Variants in RPS6KC1 observed in about 807,000 individuals in gnomAD.
RPS6KC1 encodes the protein inactive ribosomal protein S6 kinase delta-1.
RPS6KC1 carries 54 observed loss-of-function variants against 103.8 expected under a neutral mutation model. The ratio of observed to expected loss-of-function variants is 0.52; its 90% CI spans 0.42 to 0.65. RPS6KC1 has a LOEUF of 0.65. Ranked by LOEUF, RPS6KC1 falls within the 30% of genes least tolerant of loss-of-function variation. The pLI, the probability that RPS6KC1 is intolerant of heterozygous loss-of-function variation, is 0.00. For synonymous variants in RPS6KC1, 439 were observed against 438.7 expected (o/e 1.00, Z -0.01); for missense variants, 1,151 against 1,253.8 (o/e 0.92, Z 1.24).
At chr1:213,777,866 G>A in the RPS6KC1 span, among the ~76,000 whole-genome samples, 1 of 152,134 alleles carries the variant, frequency 6.6e-6, no homozygotes, top group South Asian at 2.1e-4. Flanking sequence ...TGACCACTTG[G>A]TATGTGCCAG....
the RPS6KC1 span, among the ~76,000 whole-genome samples, chr1:213,549,538 A>C: frequency 1.3e-5 from 2 of 151,628 alleles, no homozygotes; most frequent in Non-Finnish European, 2.9e-5. Context: ...CTTTTAATTC[A>C]TCAAAGTAGG....
chr1:213,767,309 G>A, the RPS6KC1 span, among the ~76,000 whole-genome samples: 1 of 152,162 alleles, frequency 6.6e-6, no homozygotes, highest in Non-Finnish European at 1.5e-5. Flanking sequence ...CTGAAAGCAG[G>A]CTGGTGGTGT....
At chr1:213,521,938 G>T in the RPS6KC1 span, among the ~76,000 whole-genome samples, 1 of 152,244 alleles carries the variant, frequency 6.6e-6, no homozygotes, top group South Asian at 2.1e-4. Context: ...CCAAACACTT[G>T]TTAACATTGA....
chr1:213,407,158 T>A, the RPS6KC1 span, among the ~76,000 whole-genome samples: 1 of 152,124 alleles, frequency 6.6e-6, no homozygotes, highest in Non-Finnish European at 1.5e-5. Context: ...CATCTGGGTT[T>A]CTCACTGGAT....
At chr1:213,363,651 TTTC>T in the RPS6KC1 span, among the ~76,000 whole-genome samples, 1 of 80,386 alleles carries the variant, frequency 1.2e-5, no homozygotes, top group African/African-American at 9.4e-5. Flanking sequence ...TCTTTCTTTC[TTTC>T]TTTCTTTCTT....
At chr1:213,146,109 T>C (rs2147823846) in intron 6 of RPS6KC1, among the ~76,000 whole-genome samples, 1 of 150,784 alleles carries the variant, frequency 6.6e-6, no homozygotes, top group East Asian at 1.9e-4. Flanking sequence ...TTTTTTAATA[T>C]TTAGATCCCA....
At chr1:213,591,554 T>C in the RPS6KC1 span, among the ~76,000 whole-genome samples, 1 of 152,126 alleles carries the variant, frequency 6.6e-6, no homozygotes, top group Non-Finnish European at 1.5e-5. Flanking sequence ...CCAGGGGCGG[T>C]CTGTGCTTTG....
the RPS6KC1 span, among the ~76,000 whole-genome samples, chr1:213,804,559 G>A: frequency 6.6e-6 from 1 of 152,100 alleles, no homozygotes; most frequent in Non-Finnish European, 1.5e-5. Context: ...CATCTCCCCT[G>A]GGCATCTCTA....
the RPS6KC1 span, among the ~76,000 whole-genome samples, chr1:213,522,470 A>G: frequency 6.6e-6 from 1 of 152,196 alleles, no homozygotes; most frequent in African/African-American, 2.4e-5. Flanking sequence ...TTAACCCCTA[A>G]CAAGAGAGTC....
At chr1:213,137,737 G>A (rs1471289179) in intron 6 of RPS6KC1, among the ~76,000 whole-genome samples, 1 of 109,566 alleles carries the variant, frequency 9.1e-6, no homozygotes, top group Non-Finnish European at 1.8e-5. Context: ...CTGTGCTTTG[G>A]TTTAAGTCCA....
chr1:213,215,680 T>C (rs192698157), intron 8 of RPS6KC1, among the ~76,000 whole-genome samples: 13 of 152,342 alleles, frequency 8.5e-5, no homozygotes, highest in Non-Finnish European at 1.8e-4. Context: ...AGCTGATCTC[T>C]CGGCAGAAAT....
chr1:213,705,078 A>G, the RPS6KC1 span, among the ~76,000 whole-genome samples: 2 of 152,380 alleles, frequency 1.3e-5, no homozygotes, highest in East Asian at 3.9e-4. Flanking sequence ...TGAAGCCAGC[A>G]TAGCACTGAG....
chr1:213,558,944 C>T, the RPS6KC1 span, among the ~76,000 whole-genome samples: 1 of 152,220 alleles, frequency 6.6e-6, no homozygotes, highest in African/African-American at 2.4e-5. Context: ...TATTGTAGTT[C>T]AAGAGGCTTC....
chr1:213,655,336 C>T, the RPS6KC1 span, among the ~76,000 whole-genome samples: 2 of 152,188 alleles, frequency 1.3e-5, no homozygotes, highest in Non-Finnish European at 1.5e-5. Context: ...AGCCACCATT[C>T]CCAGCCTATG....
chr1:213,303,358 C>T, the RPS6KC1 span, among the ~76,000 whole-genome samples: 9 of 152,236 alleles, frequency 5.9e-5, no homozygotes, highest in African/African-American at 2.2e-4. Context: ...CCATCTGAAA[C>T]TGACCTTTGC....
chr1:213,854,126 C>T, the RPS6KC1 span, among the ~76,000 whole-genome samples: 1 of 152,160 alleles, frequency 6.6e-6, no homozygotes, highest in Admixed American at 6.5e-5. Context: ...TTAGTCTCTG[C>T]AGGATAGGAC....
chr1:213,331,848 G>T, the RPS6KC1 span, among the ~76,000 whole-genome samples: 70 of 152,190 alleles, frequency 4.6e-4, no homozygotes, highest in African/African-American at 1.6e-3. Flanking sequence ...TGGCCTCTCT[G>T]CTGGCCTCCT....
chr1:213,182,091 T>C (rs2092297711), intron 8 of RPS6KC1, among the ~76,000 whole-genome samples: 1 of 152,224 alleles, frequency 6.6e-6, no homozygotes, highest in Admixed American at 6.5e-5. Context: ...AAAGTTTTTA[T>C]GCTTAGCTTG....
intron 13 of RPS6KC1, among the ~76,000 whole-genome samples, 198 bp from the exon 14 acceptor site, chr1:213,262,523 G>A (rs1169048225): frequency 2.6e-5 from 4 of 152,156 alleles, no homozygotes; most frequent in African/African-American, 9.7e-5. Context: ...TGTGATCATG[G>A]TGATTGTCTT....
Sources: allele counts gnomAD v4.1 joint callset (sites outside exome capture counted in the v4.1 genomes callset), GRCh38; gene constraint gnomAD v4.1.1; transcripts MANE v1.5; gene names NCBI Gene and HGNC (gene_info 2026-07-23, HGNC 2026-07-21).